Variants in TCEANC2 observed in about 807,000 individuals in gnomAD.
The protein encoded by TCEANC2 is transcription elongation factor A N-terminal and central domain containing 2.
In TCEANC2, 20 loss-of-function variants were observed where a neutral mutation model predicts 22.8. The ratio of observed to expected loss-of-function variants is 0.88; its 90% CI spans 0.62 to 1.28. TCEANC2 has a LOEUF of 1.28. Among genes scored for constraint, TCEANC2 ranks in the 50% most tolerant of loss-of-function variants. The pLI is 0.00. For missense variants in TCEANC2, 251 were observed against 249.7 expected (o/e 1.01, Z -0.03); for synonymous variants, 84 against 95.5 (o/e 0.88, Z 0.70).
At chr1:54,084,755 GA>G (rs1658307074) in intron 3 of TCEANC2, among the ~76,000 whole-genome samples, 1 of 151,588 alleles carries the variant, frequency 6.6e-6, no homozygotes, top group South Asian at 2.1e-4. Flanking sequence ...CTGGGTGACA[GA>G]GCAAAACTCC....
At chr1:54,087,394 T>C (rs1402882234) in intron 3 of TCEANC2, among the ~76,000 whole-genome samples, 2 of 152,344 alleles carry the variant, frequency 1.3e-5, no homozygotes, top group Non-Finnish European at 2.9e-5. Context: ...ACTATTAAGA[T>C]TTTGTCCCAC....
intron 3 of TCEANC2, among the ~76,000 whole-genome samples, chr1:54,073,633 T>G (rs1658096819): frequency 6.6e-6 from 1 of 152,188 alleles, no homozygotes; most frequent in South Asian, 2.1e-4. Context: ...AGTTTGCTCT[T>G]TATCTTAAAG....
rs2100395590 is a variant in TCEANC2, at chr1:54,103,743, T to G, written c.*7270T>G. On this transcript the variant is annotated 3_prime_UTR_variant, in exon 5 of 5. Coordinates refer to ENST00000234827, the MANE Select transcript of TCEANC2 (RefSeq NM_153035.3). ...ACCAGCAGCCACTTGGGAAGTTGGC[T>G]ATATTAAACCCTGTCTACCCTGGAA... 6.6e-6 allele frequency: 1 copy of G among 152,354 alleles called. No individual in the cohort carries two copies. Among genetic ancestry groups the G allele is most frequent in the South Asian group, 2.1e-4 (1 of 4,830 alleles). The allele number at this position is 152,354 out of a possible 1,614,324, so 9.4% of individuals were successfully genotyped here. A position where few individuals can be genotyped will look rare whatever the true frequency, so the allele number is the denominator to read the frequency against.
intron 3 of TCEANC2, among the ~76,000 whole-genome samples, chr1:54,075,303 C>T (rs766333486): frequency 3.3e-5 from 5 of 152,046 alleles, no homozygotes; most frequent in African/African-American, 7.2e-5. Context: ...ACAGGGGAGA[C>T]GGTGAATACT....
At position 54,101,322 on chromosome 1, in the gene TCEANC2, C is replaced by T. The variant is rs1255956759; in HGVS notation, c.*4849C>T. 1 of 152,190 alleles carries T rather than the reference C, an allele frequency of 6.6e-6. No individual in the cohort carries two copies. The highest frequency in any genetic ancestry group is 1.9e-4 in the East Asian group (1 of 5,194). The allele number at this position is 152,190 out of a possible 1,614,324, so 9.4% of individuals were successfully genotyped here. On this transcript the variant is annotated 3_prime_UTR_variant, in exon 5 of 5. Coordinates refer to ENST00000234827, the MANE Select transcript of TCEANC2 (RefSeq NM_153035.3). ...GGGAGTTTCAGTTAGTTGGGTGACA[C>T]TACCCTGGTATCAAAGGAAAGATGG...
intron 3 of TCEANC2, among the ~76,000 whole-genome samples, chr1:54,081,399 T>TTTTA (rs1014966778): frequency 3.0e-4 from 45 of 152,190 alleles, no homozygotes; most frequent in African/African-American, 8.9e-4. Flanking sequence ...CAGTCAATTC[T>TTTTA]TTTATTTATT....
chr1:54,112,151 C>G (rs1030188194), exon 5 of TCEANC2: 13 of 151,454 alleles, frequency 8.6e-5, no homozygotes, highest in African/African-American at 2.9e-4. Context: ...AAGACCAGCC[C>G]GGGTAACGTG....
intron 3 of TCEANC2, among the ~76,000 whole-genome samples, chr1:54,085,543 T>C (rs758620067): frequency 6.6e-6 from 1 of 152,190 alleles, no homozygotes; most frequent in Admixed American, 6.5e-5. Flanking sequence ...TCAATGTTGT[T>C]ACTTTATAAT....
downstream of TCEANC2, among the ~76,000 whole-genome samples, chr1:54,107,203 G>A (rs1024074611): frequency 6.6e-6 from 1 of 152,130 alleles, no homozygotes; most frequent in South Asian, 2.1e-4. Context: ...TGACAGTCTT[G>A]AGCAGTACTG....
At chr1:54,090,129 TA>T in intron 4 of TCEANC2, 3 of 497,764 alleles carry the variant, frequency 6.0e-6, no homozygotes, top group East Asian at 4.1e-5. Flanking sequence ...ATGAATTGTT[TA>T]AAAAACAGCT....
rs577287221 is a variant in TCEANC2, at chr1:54,102,875, G to A, written c.*6402G>A. ...TGGGGAGTCCTTCTAGTGGGCATAG[G>A]TTGTGCATCATGCACCTAGCCATCC... On this transcript the variant is annotated 3_prime_UTR_variant, in exon 5 of 5. Coordinates refer to ENST00000234827, the MANE Select transcript of TCEANC2 (RefSeq NM_153035.3). The A allele has an allele frequency of 6.6e-6, 1 of 152,334 alleles. No homozygotes were observed. The highest frequency in any genetic ancestry group is 1.5e-5 in the Non-Finnish European group (1 of 68,098). 9.4% of individuals were successfully genotyped at this position (152,334 alleles called of 1,614,324 possible). A position where few individuals can be genotyped will look rare whatever the true frequency, so the allele number is the denominator to read the frequency against.
At chr1:54,067,316 G>A (rs932113772) in intron 2 of TCEANC2, among the ~76,000 whole-genome samples, 2 of 152,184 alleles carry the variant, frequency 1.3e-5, no homozygotes, top group Non-Finnish European at 2.9e-5. Context: ...TCCCTATAGG[G>A]AGAGCCTGTG....
chr1:54,097,103 C>A lies in TCEANC2; in HGVS notation c.*630C>A. ...TGAGGAACTGGCCCGAAGCCTCCCA[C>A]ACCTCAGGGTTTATTTGAATACGCT... On this transcript the variant is annotated 3_prime_UTR_variant, in exon 5 of 5. Coordinates refer to ENST00000234827, the MANE Select transcript of TCEANC2 (RefSeq NM_153035.3). 2.2e-6 allele frequency: 1 copy of A among 456,260 alleles called. No homozygotes were observed. The highest frequency in any genetic ancestry group is 2.9e-6 in the Non-Finnish European group (1 of 345,884). The allele number at this position is 456,260 out of a possible 1,614,324, so 28.3% of individuals were successfully genotyped here.
In TCEANC2 at chr1:54,088,714, A is replaced by G; in HGVS notation, c.362A>G (p.Glu121Gly). 6.2e-7 allele frequency: 1 copy of G among 1,608,274 alleles called. No individual in the cohort carries two copies. The highest frequency in any genetic ancestry group is 8.5e-7 in the Non-Finnish European group (1 of 1,177,120). The change falls in exon 4 of 5, where the codon GAA becomes GGA. Residue 121 changes from glutamate (E) to glycine (G), a missense_variant. Transcript: ENST00000234827. The stretch of plus-strand genomic sequence containing the variant: ...AAACATTCAAATAGACCTTCTATTG[A>G]AGTTAGAAGTGATCCCAAAACCGAG... The part of the protein sequence containing the change: ...TEKHSNRPSI[E>G]VRSDPKTESL...
intron 4 of TCEANC2, among the ~76,000 whole-genome samples, chr1:54,093,946 G>A (rs943801078): frequency 6.6e-6 from 1 of 152,124 alleles, no homozygotes; most frequent in African/African-American, 2.4e-5. Context: ...GACAAATGCT[G>A]GATAGCCAGC....
At position 54,100,832 on chromosome 1, in the gene TCEANC2, A is replaced by G. The variant is rs1008030847; in HGVS notation, c.*4359A>G. ...TTGAGGAGGTGAGGGACCTAATCAG[A>G]TGTGTGTTTTAAAAAGATTTAAAAA... On this transcript the variant is annotated 3_prime_UTR_variant, in exon 5 of 5. Coordinates refer to ENST00000234827, the MANE Select transcript of TCEANC2 (RefSeq NM_153035.3). The G allele has an allele frequency of 6.6e-6, 1 of 152,244 alleles. No individual in the cohort carries two copies. Among genetic ancestry groups the G allele is most frequent in the African/African-American group, 2.4e-5 (1 of 41,468 alleles). 9.4% of individuals were successfully genotyped at this position (152,244 alleles called of 1,614,324 possible).
chr1:54,108,712 C>A (rs1658794970), downstream of TCEANC2, among the ~76,000 whole-genome samples: 1 of 152,308 alleles, frequency 6.6e-6, no homozygotes, highest in African/African-American at 2.4e-5. Flanking sequence ...GTGGCTCATG[C>A]CTGTAATCCC....
At position 54,088,603 on chromosome 1, in the gene TCEANC2, C is replaced by T. The variant is rs762802716; in HGVS notation, c.251C>T (p.Thr84Ile). 3.7e-6 allele frequency: 6 copies of T among 1,600,064 alleles called. No homozygotes were observed. The East Asian group carries it at 1.1e-4, about 30-fold the overall frequency. The change falls in exon 4 of 5, where the codon ACT becomes ATT. Residue 84 changes from threonine (T) to isoleucine (I), a missense_variant. By Grantham distance (89) the Thr-to-Ile change is moderately conservative. Coordinates refer to ENST00000234827, the MANE Select transcript of TCEANC2 (RefSeq NM_153035.3). ...EVLKSTRIGH[T>I]VNKMRKHSDS... ...TTTTCTCTTCCTGTTCCAGGTCACA[C>T]TGTGAACAAGATGCGTAAACACTCA... is the stretch of plus-strand genomic sequence containing the variant.
At position 54,102,137 on chromosome 1, in the gene TCEANC2, C is replaced by T. The variant is rs946941316; in HGVS notation, c.*5664C>T. 2.0e-5 allele frequency: 3 copies of T among 152,342 alleles called. No homozygotes were observed. In the South Asian group the frequency reaches 6.2e-4, roughly 32 times the overall value. 9.4% of individuals were successfully genotyped at this position (152,342 alleles called of 1,614,324 possible). On this transcript the variant is annotated 3_prime_UTR_variant, in exon 5 of 5. Transcript: ENST00000234827. The stretch of plus-strand genomic sequence containing the variant: ...TCCCACACCTAGGAATATGCTCCAT[C>T]CATGTACCGGATGACACAGAAAGTT...
Sources: allele counts gnomAD v4.1 joint callset (sites outside exome capture counted in the v4.1 genomes callset), GRCh38; gene constraint gnomAD v4.1.1; transcripts MANE v1.5; gene names NCBI Gene and HGNC (gene_info 2026-07-23, HGNC 2026-07-21).